Variants in CDK5RAP2 observed in about 807,000 individuals in gnomAD.
The protein encoded by CDK5RAP2 is CDK5 regulatory subunit-associated protein 2.
A neutral mutation model predicts 232.9 loss-of-function variants in CDK5RAP2; 147 were observed. The observed-to-expected ratio is 0.63, with a 90% confidence interval of 0.55 to 0.72. The LOEUF is 0.72. Among genes scored for constraint, CDK5RAP2 ranks in the 30% least tolerant of loss-of-function variants. The pLI, the probability that CDK5RAP2 is intolerant of heterozygous loss-of-function variation, is 0.00. For synonymous variants in CDK5RAP2, 833 were observed against 833.7 expected (o/e 1.00, Z 0.01); for missense variants, 2,195 against 2,231.5 (o/e 0.98, Z 0.33).
intron 28 of CDK5RAP2, 93 bp downstream of exon 28, chr9:120,414,947 C>T: frequency 5.5e-6 from 8 of 1,445,024 alleles, no homozygotes; most frequent in South Asian, 1.2e-5. Context: ...ATTTATCAAG[C>T]ACCTGCTTTG....
chr9:120,430,909 A>G (rs2131434654), intron 25 of CDK5RAP2, among the ~76,000 whole-genome samples: 1 of 152,362 alleles, frequency 6.6e-6, no homozygotes, highest in South Asian at 2.1e-4. Flanking sequence ...TGGCACATAT[A>G]CACCATGGAA....
Position 120,530,149 on chromosome 9 carries a change from G to C in CDK5RAP2, c.663-9C>G. 1 of 1,608,860 alleles carries C rather than the reference G, an allele frequency of 6.2e-7. No homozygotes were observed. The highest frequency in any genetic ancestry group is 8.5e-7 in the Non-Finnish European group (1 of 1,177,000). On this transcript the variant is annotated splice_polypyrimidine_tract_variant and intron_variant, in intron 7 of 37. Coordinates refer to ENST00000349780, the MANE Select transcript of CDK5RAP2 (RefSeq NM_018249.6). ...TCAACTCCTCAATCAGTCTAAAAGA[G>C]AACAAAATTTAAATATTAATTCTAA...
At position 120,402,997 on chromosome 9, in the gene CDK5RAP2, T is replaced by C. The variant is rs1158221725; in HGVS notation, c.5116A>G (p.Thr1706Ala). Residue 1706 changes from threonine to alanine, a missense_variant, in exon 34 of 38, where the codon ACT becomes GCT. Physicochemically the swap from Thr to Ala is moderately conservative, Grantham distance 58. Coordinates refer to ENST00000349780, the MANE Select transcript of CDK5RAP2 (RefSeq NM_018249.6). ...SCDSGSSATSTPCVSRLVTGH... is the reference protein window; with the variant it reads ...SCDSGSSATSAPCVSRLVTGH... ...GTGACCAGGCGGGACACACACGGAG[T>C]GCTAGTTGCCGAACTGCCACTGTCG... 12 of 1,614,036 alleles carry C rather than the reference T, an allele frequency of 7.4e-6. No individual in the cohort carries two copies. In the South Asian group the frequency reaches 1.3e-4, roughly 18 times the overall value.
chr9:120,568,407 G>C lies in CDK5RAP2; in HGVS notation c.128-19C>G. ...GGGAGCACTGTAAAAAGGTAAAATAGAGGAAAACGTCACAGCATGCAAACT... is the reference window on the plus strand; with the variant it reads ...GGGAGCACTGTAAAAAGGTAAAATACAGGAAAACGTCACAGCATGCAAACT... On this transcript the variant is annotated intron_variant, in intron 2 of 37. Coordinates refer to ENST00000349780, the MANE Select transcript of CDK5RAP2 (RefSeq NM_018249.6). 6.3e-7 allele frequency: 1 copy of C among 1,584,566 alleles called. No homozygotes were observed. Among genetic ancestry groups the C allele is most frequent in the Non-Finnish European group, 8.7e-7 (1 of 1,152,954 alleles).
chr9:120,451,461 GA>G (rs1308895905), intron 21 of CDK5RAP2, among the ~76,000 whole-genome samples: 1 of 152,126 alleles, frequency 6.6e-6, no homozygotes, highest in Non-Finnish European at 1.5e-5. Flanking sequence ...CAACTGTAAG[GA>G]TATCTGGTCT....
rs558807150 is a variant in CDK5RAP2 at position 120,532,716 on chromosome 9, C to T, written c.663-2576G>A. Among the ~76,000 whole-genome samples, 4 of 152,158 alleles carry T rather than the reference C, an allele frequency of 2.6e-5. No individual in the cohort carries two copies. The East Asian group carries it at 7.7e-4, about 29-fold the overall frequency. ...ACTGCTGCACTGATCTCTGGGAGTG[C>T]GCCTGGGACACAGCTATCCCTGAGA... On this transcript the variant is annotated intron_variant, in intron 7 of 37. Transcript: ENST00000349780.
chr9:120,512,453 G>T (rs1412755395), intron 12 of CDK5RAP2, among the ~76,000 whole-genome samples: 1 of 151,952 alleles, frequency 6.6e-6, no homozygotes, highest in African/African-American at 2.4e-5. Context: ...TTAATCTTAT[G>T]ACTTTCTATA....
chr9:120,430,775 G>C (rs2035236712), intron 25 of CDK5RAP2, among the ~76,000 whole-genome samples: 3 of 151,984 alleles, frequency 2.0e-5, no homozygotes, highest in South Asian at 4.2e-4. Context: ...TATACCCAAA[G>C]GACTATAAAT....
At chr9:120,507,942 A>AATATATATATATATAT (rs1157642617) in intron 12 of CDK5RAP2, among the ~76,000 whole-genome samples, 17 of 32,540 alleles carry the variant, frequency 5.2e-4, no homozygotes, top group African/African-American at 1.9e-3. Context: ...AAAAAAAAAA[A>AATATATATATATATAT]ATATATATAT....
chr9:120,427,553 C>A (rs1251756607), intron 25 of CDK5RAP2, among the ~76,000 whole-genome samples: 1 of 152,060 alleles, frequency 6.6e-6, no homozygotes, highest in Non-Finnish European at 1.5e-5. Context: ...GCCTCTATCA[C>A]AAACTCAGAT....
chr9:120,415,840 GA>G (rs2034180777), intron 27 of CDK5RAP2, among the ~76,000 whole-genome samples: 2 of 152,160 alleles, frequency 1.3e-5, no homozygotes, highest in Non-Finnish European at 2.9e-5. Context: ...GCGTTTGCCA[GA>G]ATGGAGGAAA....
intron 21 of CDK5RAP2, 96 bp from the exon 22 acceptor site, chr9:120,448,222 C>A: frequency 9.6e-7 from 1 of 1,045,094 alleles, no homozygotes; most frequent in South Asian, 1.3e-5. Flanking sequence ...AAACGGAATT[C>A]GAACTGGCTG....
chr9:120,417,185 G>A (rs115095406), intron 27 of CDK5RAP2, among the ~76,000 whole-genome samples: 2,347 of 143,290 alleles, frequency 0.016, 62 homozygotes, highest in African/African-American at 0.056. Context: ...AACTGCTGGC[G>A]CCCACGGCAC....
intron 35 of CDK5RAP2, among the ~76,000 whole-genome samples, chr9:120,397,933 G>A (rs1294176758): frequency 6.6e-6 from 1 of 152,124 alleles, no homozygotes; most frequent in East Asian, 1.9e-4. Flanking sequence ...ACACTTATGG[G>A]AACCACTGTA....
rs552396429 is a variant in CDK5RAP2 at position 120,513,962 on chromosome 9, C to A, written c.1311+4465G>T. Among the ~76,000 whole-genome samples the A allele has an allele frequency of 2.0e-5, 3 of 152,284 alleles. No individual in the cohort carries two copies. The East Asian group carries it at 5.8e-4, about 29-fold the overall frequency. On this transcript the variant is annotated intron_variant, in intron 12 of 37. Transcript: ENST00000349780. ...TGCTCCACCTGTACATTTATCCTAG[C>A]ACCATAATGCAAAGACACCACCCCA...
chr9:120,410,009 C>G (rs1441866371), intron 29 of CDK5RAP2, among the ~76,000 whole-genome samples: 1 of 152,170 alleles, frequency 6.6e-6, no homozygotes, highest in African/African-American at 2.4e-5. Context: ...GAGTTCCCAG[C>G]AGTGCTGGTG....
intron 3 of CDK5RAP2, among the ~76,000 whole-genome samples, chr9:120,551,386 T>C (rs1212920207): frequency 6.6e-6 from 1 of 152,174 alleles, no homozygotes; most frequent in African/African-American, 2.4e-5. Flanking sequence ...AATGGCTTAT[T>C]AATTACAAAA....
chr9:120,422,690 C>T lies in CDK5RAP2; in HGVS notation c.4004+3G>A. ...GTCTTCTTAACAAATGTTACACACT[C>T]ACCTCTCCATCAGTTCATTCTGGGT... On this transcript the variant is annotated splice_donor_region_variant and intron_variant, in intron 26 of 37. Coordinates refer to ENST00000349780, the MANE Select transcript of CDK5RAP2 (RefSeq NM_018249.6). The T allele has an allele frequency of 6.2e-7, 1 of 1,609,308 alleles. No individual in the cohort carries two copies. Among genetic ancestry groups the T allele is most frequent in the Non-Finnish European group, 8.5e-7 (1 of 1,175,644 alleles).
chr9:120,453,614 C>T lies in CDK5RAP2; in HGVS notation c.2635G>A (p.Glu879Lys). 2 of 1,614,204 alleles carry T rather than the reference C, an allele frequency of 1.2e-6. No homozygotes were observed. The highest frequency in any genetic ancestry group is 1.7e-6 in the Non-Finnish European group (2 of 1,180,044). The change falls in exon 21 of 38, where the codon GAG becomes AAG. Residue 879 changes from glutamate (E) to lysine (K), a missense_variant. Glu to Lys is a moderately conservative substitution (Grantham distance 56). Transcript: ENST00000349780. ...TGCTTGAATCTCAGCAGGTCGCCCT[C>T]CGTGGCCACAGTCTGCACTGAGGCA... is the stretch of plus-strand genomic sequence containing the variant. ...KDASVQTVAT[E>K]GDLLRFKHEA... is the part of the protein sequence containing the mutation.
Sources: gnomAD v4.1 joint callset for allele counts (sites outside exome capture counted in the v4.1 genomes callset) on GRCh38, gnomAD v4.1.1 for gene constraint, MANE v1.5 for transcripts, NCBI Gene and HGNC (gene_info 2026-07-23, HGNC 2026-07-21) for gene names.